NSUN7: variants seen among roughly 807,000 people sequenced by gnomAD.
The protein encoded by NSUN7 is NOP2/Sun RNA methyltransferase family member 7.
Under a neutral mutation model 58.5 loss-of-function variants are expected in NSUN7, and 39 were observed. The observed-to-expected ratio is 0.67, with a 90% CI of 0.52 to 0.87. The LOEUF (loss-of-function observed/expected upper bound fraction) is 0.87, where lower values mean the gene tolerates loss of function less well. Among genes scored for constraint, NSUN7 ranks in the 40% least tolerant of loss-of-function variants. The pLI, the probability that NSUN7 is intolerant of heterozygous loss-of-function variation, is 0.00. For missense variants in NSUN7, 765 were observed against 844.1 expected (o/e 0.91, Z 1.16); for synonymous variants, 278 against 303.7 (o/e 0.92, Z 0.88).
chr4:40,808,840 G>A lies in NSUN7; in HGVS notation c.2058G>A (p.Val686=). The A allele has an allele frequency of 7.1e-6, 11 of 1,549,284 alleles. No individual in the cohort carries two copies. Among genetic ancestry groups the A allele is most frequent in the Non-Finnish European group, 9.6e-6 (11 of 1,146,668 alleles). ...GTTGGGTTGCACCCAAGGCACTTGT[G>A]CCCACCTGCCTTCCCACACACTCAC... ...YCRWVAPKAL[V]PTCLPTHSLS... is the part of the protein sequence containing the mutation. The change falls in exon 12 of 12, where the codon GTG becomes GTA. Residue 686 remains valine (V), a synonymous_variant. Coordinates refer to ENST00000381782, the MANE Select transcript of NSUN7 (RefSeq NM_024677.6).
At chr4:40,792,677 G>A (rs897648187) in intron 8 of NSUN7, among the ~76,000 whole-genome samples, 14 of 152,096 alleles carry the variant, frequency 9.2e-5, no homozygotes, top group African/African-American at 2.7e-4. Flanking sequence ...CTTGAACCCC[G>A]GGGGGCGGAG....
intron 7 of NSUN7, among the ~76,000 whole-genome samples, chr4:40,776,876 A>C (rs1742296071): frequency 6.6e-6 from 1 of 152,228 alleles, no homozygotes. Context: ...TGGGCATCCC[A>C]AAGTCCTGAG....
chr4:40,780,630 G>A (rs557327670), intron 7 of NSUN7, among the ~76,000 whole-genome samples: 1 of 150,572 alleles, frequency 6.6e-6, no homozygotes, highest in East Asian at 2.0e-4. Context: ...AAAAAGGAGA[G>A]AAAGGGGACA....
rs1312115385 is a variant in NSUN7, at chr4:40,810,619, A to AAAC, written c.*1683_*1685dup. 23 of 151,464 alleles carry AAAC rather than the reference A, an allele frequency of 1.5e-4. No homozygotes were observed. The highest frequency in any genetic ancestry group is 5.6e-4 in the African/African-American group (23 of 41,296). 9.4% of individuals were successfully genotyped at this position (151,464 alleles called of 1,614,324 possible). ...AAAAAAAAGTGTCAATGAAGAAAGG[A>AAAC]AACAAGACTTTTTATAGTTGAACCA... On this transcript the variant is annotated 3_prime_UTR_variant, in exon 12 of 12. Transcript: ENST00000381782.
intron 2 of NSUN7, among the ~76,000 whole-genome samples, chr4:40,752,062 G>A (rs1740863086): frequency 6.6e-6 from 1 of 152,136 alleles, no homozygotes; most frequent in South Asian, 2.1e-4. Context: ...GAAGTTGTTT[G>A]TTTTCGTACT....
At chr4:40,807,583 T>C (rs572037066) in intron 11 of NSUN7, among the ~76,000 whole-genome samples, 1 of 152,064 alleles carries the variant, frequency 6.6e-6, no homozygotes, top group Non-Finnish European at 1.5e-5. Context: ...CTCGACTTCA[T>C]GATCCACTTG....
intron 2 of NSUN7, among the ~76,000 whole-genome samples, chr4:40,754,564 C>T (rs902280683): frequency 3.3e-5 from 5 of 152,112 alleles, no homozygotes; most frequent in African/African-American, 7.2e-5. Flanking sequence ...TTACATCTGG[C>T]TTATACAGTA....
At chr4:40,787,427 A>G (rs1447666446) in intron 7 of NSUN7, among the ~76,000 whole-genome samples, 2 of 152,144 alleles carry the variant, frequency 1.3e-5, no homozygotes, top group Admixed American at 6.5e-5. Context: ...GAAAAAGAAC[A>G]TAAAACAATT....
intron 1 of NSUN7, 59 bp from the exon 2 acceptor site, chr4:40,750,543 GC>G: frequency 1.2e-6 from 1 of 862,910 alleles, no homozygotes; most frequent in Non-Finnish European, 1.7e-6. Flanking sequence ...AACGAAGGGG[GC>G]CACCCACAGG....
At chr4:40,793,911 T>C (rs1267836410) in intron 8 of NSUN7, among the ~76,000 whole-genome samples, 1 of 152,210 alleles carries the variant, frequency 6.6e-6, no homozygotes, top group Non-Finnish European at 1.5e-5. Context: ...AGACATAACA[T>C]TTGCTTTTCT....
Position 40,773,061 on chromosome 4 carries a change from G to A in NSUN7, c.489-1204G>A, listed in dbSNP as rs932292834. The A allele has an allele frequency of 4.6e-5, 7 of 152,130 alleles. No homozygotes were observed. The South Asian group carries it at 8.3e-4, about 18-fold the overall frequency. 9.4% of individuals were successfully genotyped at this position (152,130 alleles called of 1,614,324 possible). On this transcript the variant is annotated intron_variant, in intron 4 of 11. Coordinates refer to ENST00000381782, the MANE Select transcript of NSUN7 (RefSeq NM_024677.6). ...TGTGATTTGGAATTTTGAAGCATGGGACATTCAGAACTGGGAAGGACTTAA... is the reference window on the plus strand; with the variant it reads ...TGTGATTTGGAATTTTGAAGCATGGAACATTCAGAACTGGGAAGGACTTAA...
At chr4:40,803,007 A>G (rs1577587263) in intron 10 of NSUN7, among the ~76,000 whole-genome samples, 4 of 136,148 alleles carry the variant, frequency 2.9e-5, no homozygotes, top group East Asian at 4.4e-4. Context: ...TCATTGTTCA[A>G]TTCCCATCTA....
At chr4:40,766,727 T>G (rs1741748912) in intron 4 of NSUN7, among the ~76,000 whole-genome samples, 1 of 152,158 alleles carries the variant, frequency 6.6e-6, no homozygotes, top group Non-Finnish European at 1.5e-5. Flanking sequence ...TTTTTTTGGT[T>G]GGTAAGCTAT....
chr4:40,801,553 A>AT (rs978304508), intron 10 of NSUN7, among the ~76,000 whole-genome samples: 5 of 152,100 alleles, frequency 3.3e-5, no homozygotes, highest in Admixed American at 6.5e-5. Flanking sequence ...AATTACAGAT[A>AT]TTTTTCAGAT....
rs959230787 is a variant in NSUN7 at position 40,799,086 on chromosome 4, T to G, written c.1400+182T>G. Among the ~76,000 whole-genome samples the G allele has an allele frequency of 2.0e-4, 28 of 140,054 alleles. 1 individual carries two copies. Among genetic ancestry groups the G allele is most frequent in the African/African-American group, 7.0e-4 (26 of 37,206 alleles). 91.9% of individuals were successfully genotyped at this position (140,054 alleles called of 152,430 possible). ...TAGGGCCTTTTTCTTTTTTTTTTTT[T>G]TTTTTTTTTTTTTTTTAAAGATGGA... On this transcript the variant is annotated intron_variant, in intron 10 of 11. Coordinates refer to ENST00000381782, the MANE Select transcript of NSUN7 (RefSeq NM_024677.6).
At chr4:40,767,056 G>A (rs1741768282) in intron 4 of NSUN7, among the ~76,000 whole-genome samples, 1 of 150,078 alleles carries the variant, frequency 6.7e-6, no homozygotes, top group South Asian at 2.1e-4. Context: ...TTAATTTTTT[G>A]AAGGGTTTTT....
intron 2 of NSUN7, among the ~76,000 whole-genome samples, chr4:40,756,088 GA>G (rs112448481): frequency 3.2e-4 from 47 of 145,542 alleles, no homozygotes; most frequent in East Asian, 6.0e-4. Context: ...AGGACCCCAG[GA>G]AAAAAAAAAA....
At chr4:40,774,715 C>T (rs900964214) in intron 5 of NSUN7, 52 bp from the exon 6 acceptor site, 16 of 1,134,060 alleles carry the variant, frequency 1.4e-5, no homozygotes, top group Middle Eastern at 2.0e-4. Flanking sequence ...GTGTTAAGGA[C>T]GTTTTTAATG....
chr4:40,767,767 A>C (rs566813150), intron 4 of NSUN7, among the ~76,000 whole-genome samples: 2 of 152,294 alleles, frequency 1.3e-5, no homozygotes, highest in Admixed American at 6.5e-5. Context: ...TTAGGACTTT[A>C]ATTTGCTTTA....
Sources: gnomAD v4.1 joint callset for allele counts (sites outside exome capture counted in the v4.1 genomes callset) on GRCh38, gnomAD v4.1.1 for gene constraint, MANE v1.5 for transcripts, NCBI Gene and HGNC (gene_info 2026-07-23, HGNC 2026-07-21) for gene names.